SYT7: variants seen among roughly 807,000 people sequenced by gnomAD.
SYT7 encodes synaptotagmin 7.
In SYT7, 29 loss-of-function variants were observed where a neutral mutation model predicts 75.1. That is an observed-to-expected ratio of 0.39 (90% CI 0.29 to 0.53). The LOEUF is 0.53. Ranked by LOEUF, SYT7 falls within the 20% of genes least tolerant of loss-of-function variation. The pLI is 0.77. For synonymous variants in SYT7, 376 were observed against 401.7 expected, an observed-to-expected ratio of 0.94 and a Z score of 0.76; for missense variants, 693 against 953.2, an observed-to-expected ratio of 0.73 and a Z score of 3.59.
At chr11:61,558,475 A>AATAT (rs1294807234) in intron 1 of SYT7, among the ~76,000 whole-genome samples, 3 of 143,078 alleles carry the variant, frequency 2.1e-5, no homozygotes, top group Admixed American at 6.9e-5. Context: ...GTTTCAAAAA[A>AATAT]ATATATATAT....
At chr11:61,526,204 T>TCC (rs989619274) in intron 9 of SYT7, 11 of 152,194 alleles carry the variant, frequency 7.2e-5, no homozygotes, top group Non-Finnish European at 1.3e-4. Context: ...TTGTTCAGGG[T>TCC]CCCTTTCCTC....
chr11:61,556,057 T>A (rs753088951), intron 2 of SYT7, 47 bp downstream of exon 2: 3 of 1,498,006 alleles, frequency 2.0e-6, no homozygotes, highest in South Asian at 1.2e-5. Context: ...GGGGGGGCAG[T>A]GTGCAGGGCT....
At chr11:61,532,620 T>C (rs980883119) in intron 8 of SYT7, among the ~76,000 whole-genome samples, 3 of 152,190 alleles carry the variant, frequency 2.0e-5, no homozygotes, top group Non-Finnish European at 4.4e-5. Context: ...CTGAGTCCTC[T>C]GCCCACCAGC....
chr11:61,588,014 G>C, the SYT7 span, among the ~76,000 whole-genome samples: 1 of 152,216 alleles, frequency 6.6e-6, no homozygotes, highest in African/African-American at 2.4e-5. Flanking sequence ...AGACCTTAGT[G>C]GGGGTGGGGC....
intron 12 of SYT7, among the ~76,000 whole-genome samples, chr11:61,522,291 G>A (rs1411690501): frequency 1.3e-5 from 2 of 150,898 alleles, no homozygotes; most frequent in African/African-American, 4.9e-5. Context: ...CTGGGTACAA[G>A]GGATTCTCCT....
In SYT7 at chr11:61,524,556, T is replaced by G; in HGVS notation, c.1472-24A>C. On this transcript the variant is annotated intron_variant, in intron 9 of 12. Coordinates refer to ENST00000539008, the MANE Select transcript of SYT7 (RefSeq NM_001365809.2). This position sits in a 1 kb window ranked among gnomAD's most constrained non-coding sequence, Gnocchi z 4.1. ...ACCTGGGGGTATAGATGAGTGTGAG[T>G]GAAGAGGGGGACAGAGGGGCTGCAC... 6.4e-7 allele frequency: 1 copy of G among 1,550,784 alleles called. No homozygotes were observed. Among genetic ancestry groups the G allele is most frequent in the East Asian group, 2.3e-5 (1 of 43,610 alleles).
chr11:61,531,018 G>GC, intron 8 of SYT7: 1 of 985,426 alleles, frequency 1.0e-6, no homozygotes, highest in African/African-American at 1.7e-5. Context: ...AGACACCTCT[G>GC]CCCCTCAGCT....
chr11:61,568,126 C>G (rs1170110714), intron 1 of SYT7, among the ~76,000 whole-genome samples: 1 of 152,168 alleles, frequency 6.6e-6, no homozygotes, highest in African/African-American at 2.4e-5. Flanking sequence ...TTTGCCCATA[C>G]CCGCCCCAGG....
At chr11:61,522,656 G>A (rs2062379721) in intron 12 of SYT7, among the ~76,000 whole-genome samples, 2 of 152,194 alleles carry the variant, frequency 1.3e-5, no homozygotes, top group Admixed American at 1.3e-4. Flanking sequence ...GGCAGATGGA[G>A]TGGGAACTGA....
At chr11:61,560,938 C>T (rs2063622152) in intron 1 of SYT7, among the ~76,000 whole-genome samples, 1 of 152,126 alleles carries the variant, frequency 6.6e-6, no homozygotes, top group Admixed American at 6.6e-5. Flanking sequence ...CCAGAACTTT[C>T]CCTGCTGGTC....
chr11:61,541,256 G>A, intron 6 of SYT7: 1 of 985,524 alleles, frequency 1.0e-6, no homozygotes, highest in African/African-American at 1.7e-5. Flanking sequence ...CGTGAAAAGT[G>A]CTCCCAGGGA....
intron 1 of SYT7, among the ~76,000 whole-genome samples, chr11:61,572,885 T>C (rs1490336131): frequency 2.0e-5 from 3 of 152,226 alleles, no homozygotes; most frequent in Non-Finnish European, 2.9e-5. Flanking sequence ...ACCTCCCTGC[T>C]TCCTGCTGCA....
At position 61,550,331 on chromosome 11, in the gene SYT7, G is replaced by A. The variant is rs186205098; in HGVS notation, c.215+1053C>T. ...GGAGCCCTCAGGAGCGGGGTGGAGG[G>A]TGGGGGAGGAGTGGAGAAGAGAAGG... On this transcript the variant is annotated intron_variant, in intron 3 of 12. Transcript: ENST00000539008. Among the ~76,000 whole-genome samples, 103 of 152,176 alleles carry A rather than the reference G, an allele frequency of 6.8e-4. 1 individual carries two copies. The East Asian group carries it at 0.02, about 29-fold the overall frequency.
At chr11:61,525,796 A>C (rs2062496736) in intron 9 of SYT7, 1 of 152,312 alleles carries the variant, frequency 6.6e-6, no homozygotes, top group Non-Finnish European at 1.5e-5. Context: ...AATCAATGCC[A>C]ATGAAATGGC....
At chr11:61,518,791 C>CTGTGGGG in intron 12 of SYT7, 60 bp from the exon 13 acceptor site, 2 of 1,285,408 alleles carry the variant, frequency 1.6e-6, no homozygotes, top group Non-Finnish European at 2.1e-6. Context: ...GCCCTTTCCC[C>CTGTGGGG]CACAGGGGTG....
chr11:61,534,714 C>T (rs1220618851), intron 7 of SYT7, among the ~76,000 whole-genome samples: 3 of 152,350 alleles, frequency 2.0e-5, no homozygotes, highest in South Asian at 2.1e-4. Flanking sequence ...ATCAGAAGCA[C>T]GATACACCTG....
In SYT7 at chr11:61,546,739, T is replaced by TCACCGCCAC; in HGVS notation, c.347+429_347+437dup. Reference sequence around the variant, plus strand: ...GAGTTCATCACCACCACCACCACCATCACCGCCACCACCGCCACGAACCAC... The same window carrying TCACCGCCAC: ...GAGTTCATCACCACCACCACCACCATCACCGCCACCACCGCCACCACCGCCACGAACCAC... On this transcript the variant is annotated intron_variant, in intron 4 of 12. Transcript: ENST00000539008. This position sits in a 1 kb window ranked among gnomAD's most constrained non-coding sequence, Gnocchi z 7.6. 2.3e-6 allele frequency: 1 copy of TCACCGCCAC among 428,578 alleles called. No individual in the cohort carries two copies. Among genetic ancestry groups the TCACCGCCAC allele is most frequent in the Non-Finnish European group, 4.7e-6 (1 of 213,662 alleles). The allele number at this position is 428,578 out of a possible 1,614,324, so 26.5% of individuals were successfully genotyped here. A position where few individuals can be genotyped will look rare whatever the true frequency, so the allele number is the denominator to read the frequency against.
At position 61,542,318 on chromosome 11, in the gene SYT7, G is replaced by A. The variant is rs911467215; in HGVS notation, c.834C>T (p.Ala278=). Residue 278 remains alanine, a synonymous_variant, in exon 6 of 13, where the codon GCC becomes GCT. Transcript: ENST00000539008. This position sits in a 1 kb window ranked among gnomAD's most constrained non-coding sequence, Gnocchi z 7.8. ...CCCCTGCCGCCCGGTACTTGGAGCC[G>A]GCCGAGGTGCCCTGCCGAGCCTGGC... is the stretch of plus-strand genomic sequence containing the variant. The part of the protein sequence containing the change: ...GRGQARQGTS[A]GSKYRAAGGR... 1.6e-5 allele frequency: 25 copies of A among 1,532,752 alleles called. No individual in the cohort carries two copies. Among genetic ancestry groups the A allele is most frequent in the African/African-American group, 9.6e-5 (7 of 72,734 alleles). 94.9% of individuals were successfully genotyped at this position (1,532,752 alleles called of 1,614,324 possible). A position where few individuals can be genotyped will look rare whatever the true frequency, so the allele number is the denominator to read the frequency against.
At chr11:61,536,247 A>G (rs1262839763) in intron 7 of SYT7, among the ~76,000 whole-genome samples, 1 of 152,208 alleles carries the variant, frequency 6.6e-6, no homozygotes, top group Non-Finnish European at 1.5e-5. Flanking sequence ...GCTGATGTGA[A>G]GATCAGAAGG....
Sources: allele counts gnomAD v4.1 joint callset (sites outside exome capture counted in the v4.1 genomes callset), GRCh38; gene constraint gnomAD v4.1.1; non-coding constraint Gnocchi (gnomAD v3.1); transcripts MANE v1.5; gene names NCBI Gene and HGNC (gene_info 2026-07-23, HGNC 2026-07-21).